Variants in TK2 observed in about 807,000 individuals in gnomAD.
TK2 encodes the protein thymidine kinase 2, mitochondrial.
In TK2, 35 loss-of-function variants were observed where a neutral mutation model predicts 41.9. The ratio of observed to expected loss-of-function variants is 0.84; its 90% CI spans 0.64 to 1.11. TK2 has a LOEUF of 1.11. TK2 is among the 50% of genes least tolerant of loss of function. The pLI, the probability that TK2 is intolerant of heterozygous loss-of-function variation, is 0.00. For synonymous variants in TK2, 128 were observed against 129.1 expected (o/e 0.99, Z 0.06); for missense variants, 320 against 351.1 (o/e 0.91, Z 0.71).
intron 5 of TK2, among the ~76,000 whole-genome samples, chr16:66,529,279 C>A (rs560566417): frequency 6.6e-6 from 1 of 152,190 alleles, no homozygotes; most frequent in Non-Finnish European, 1.5e-5. Context: ...CCCCTTCCAC[C>A]CTGACCTGCC....
intron 6 of TK2, among the ~76,000 whole-genome samples, chr16:66,525,707 T>G (rs769898657): frequency 3.3e-5 from 5 of 152,044 alleles, no homozygotes; most frequent in Non-Finnish European, 5.9e-5. Context: ...CAGTGATGGA[T>G]CTCAAGGCCC....
chr16:66,513,838 C>A (rs147168975), intron 8 of TK2, 27 bp from the exon 9 acceptor site: 1 of 1,608,810 alleles, frequency 6.2e-7, no homozygotes, highest in South Asian at 1.1e-5. Flanking sequence ...AGCAGTCTGT[C>A]GGGAGTGGAC....
At chr16:66,528,862 C>T (rs1965017575) in intron 6 of TK2, 132 bp downstream of exon 6, 3 of 845,144 alleles carry the variant, frequency 3.5e-6, no homozygotes, top group Admixed American at 4.0e-5. Flanking sequence ...GTTTGTTACA[C>T]CGCATTGCTA....
intron 4 of TK2, among the ~76,000 whole-genome samples, chr16:66,534,131 G>A (rs1215974755): frequency 2.6e-5 from 4 of 151,354 alleles, no homozygotes; most frequent in Non-Finnish European, 5.9e-5. Flanking sequence ...AAAAGGGAGA[G>A]AGACCTGACC....
intron 2 of TK2, among the ~76,000 whole-genome samples, chr16:66,546,816 A>G (rs1222647478): frequency 6.6e-6 from 1 of 151,856 alleles, no homozygotes; most frequent in Non-Finnish European, 1.5e-5. Context: ...CAGCAATGCA[A>G]TAACAGCTCA....
intron 6 of TK2, among the ~76,000 whole-genome samples, chr16:66,527,003 C>T (rs943417687): frequency 1.3e-5 from 2 of 152,210 alleles, no homozygotes; most frequent in African/African-American, 4.8e-5. Context: ...CAGAGCAGTA[C>T]ACAAACATAA....
intron 6 of TK2, among the ~76,000 whole-genome samples, chr16:66,523,330 A>T (rs1964835534): frequency 6.6e-6 from 1 of 152,198 alleles, no homozygotes; most frequent in Non-Finnish European, 1.5e-5. Flanking sequence ...GGAAATGAGG[A>T]AACACGAGCT....
At chr16:66,526,849 T>C (rs1284162619) in intron 6 of TK2, among the ~76,000 whole-genome samples, 3 of 152,192 alleles carry the variant, frequency 2.0e-5, no homozygotes. Context: ...GCGAGGTTCA[T>C]AGGTAATCCC....
At chr16:66,546,886 G>A (rs1322792469) in intron 2 of TK2, among the ~76,000 whole-genome samples, 1 of 152,064 alleles carries the variant, frequency 6.6e-6, no homozygotes, top group Non-Finnish European at 1.5e-5. Flanking sequence ...CGAGTAGCTA[G>A]GACTACTGGT....
chr16:66,529,213 C>T (rs1485897029), intron 5 of TK2, 146 bp from the exon 6 acceptor site: 5 of 780,308 alleles, frequency 6.4e-6, no homozygotes, highest in South Asian at 5.7e-5. Context: ...AGGAGGACCT[C>T]CTCACTCCCC....
intron 9 of TK2, among the ~76,000 whole-genome samples, chr16:66,512,411 GTT>G (rs545118317): frequency 6.6e-6 from 1 of 151,998 alleles, no homozygotes; most frequent in African/African-American, 2.4e-5. Flanking sequence ...TGAATGATTT[GTT>G]TTTTTCCCTC....
chr16:66,527,770 C>G (rs1964979083), intron 6 of TK2, among the ~76,000 whole-genome samples: 1 of 152,136 alleles, frequency 6.6e-6, no homozygotes, highest in Non-Finnish European at 1.5e-5. Context: ...TGGCTCACAC[C>G]TATAATCCCA....
chr16:66,548,904 T>G (rs1259802409), intron 2 of TK2, 74 bp downstream of exon 2: 17 of 1,460,496 alleles, frequency 1.2e-5, no homozygotes, highest in Non-Finnish European at 9.5e-7. Context: ...TTTTTGCTTT[T>G]TACTCTGCTT....
Position 66,548,972 on chromosome 16 carries a change from A to C in TK2, c.156+6T>G, listed in dbSNP as rs758270948. On this transcript the variant is annotated splice_donor_region_variant and intron_variant, in intron 2 of 9. Coordinates refer to ENST00000544898, the MANE Select transcript of TK2 (RefSeq NM_004614.5). ...CCTAGAGAGTACACATAAAAGAGGG[A>C]CTTACCACTGATTTTTTCTCTTTTT... The C allele has an allele frequency of 5.6e-5, 90 of 1,612,240 alleles. No individual in the cohort carries two copies. In the South Asian group the frequency reaches 9.4e-4, roughly 17 times the overall value.
intron 3 of TK2, among the ~76,000 whole-genome samples, chr16:66,539,434 A>G (rs1472496113): frequency 6.6e-6 from 1 of 152,014 alleles, no homozygotes; most frequent in Non-Finnish European, 1.5e-5. Flanking sequence ...CCCCATCTCT[A>G]CTAAAAATAC....
At chr16:66,533,593 G>A (rs185000905) in intron 4 of TK2, among the ~76,000 whole-genome samples, 154 of 152,134 alleles carry the variant, frequency 1.0e-3, no homozygotes, top group Non-Finnish European at 1.2e-3. Context: ...TTTTAAAGAA[G>A]TTAAGCTCTT....
At chr16:66,549,092 A>T in intron 1 of TK2, 83 bp from the exon 2 acceptor site, 1 of 1,601,234 alleles carries the variant, frequency 6.2e-7, no homozygotes, top group Non-Finnish European at 8.5e-7. Context: ...CCACAAAAAC[A>T]CTAATGTTTA....
intron 3 of TK2, 119 bp downstream of exon 3, chr16:66,541,760 C>T: frequency 9.8e-7 from 1 of 1,017,380 alleles, no homozygotes; most frequent in East Asian, 2.4e-5. Context: ...TAAATTACAC[C>T]TGTGGCTTGC....
chr16:66,535,820 A>G (rs926571088), intron 4 of TK2, among the ~76,000 whole-genome samples: 14 of 152,222 alleles, frequency 9.2e-5, no homozygotes, highest in African/African-American at 3.4e-4. Context: ...GTTTTAGCAA[A>G]TAACAATGAA....
Sources: gnomAD v4.1 joint callset for allele counts (sites outside exome capture counted in the v4.1 genomes callset) on GRCh38, gnomAD v4.1.1 for gene constraint, MANE v1.5 for transcripts, NCBI Gene and HGNC (gene_info 2026-07-23, HGNC 2026-07-21) for gene names.